CPE: variants seen among roughly 807,000 people sequenced by gnomAD.
The protein encoded by CPE is carboxypeptidase E.
Under a neutral mutation model 53.5 loss-of-function variants are expected in CPE, and 17 were observed. The observed-to-expected ratio is 0.32, with a 90% CI of 0.22 to 0.48. The LOEUF is 0.48. Ranked by LOEUF, CPE falls within the 20% of genes least tolerant of loss-of-function variation. The probability of loss-of-function intolerance (pLI) is 0.99; values close to 1 mark genes in which losing one functional copy is unlikely to be tolerated. For synonymous variants in CPE, 226 were observed against 228.8 expected (o/e 0.99, Z 0.11); for missense variants, 524 against 614.7 (o/e 0.85, Z 1.56).
chr4:165,381,345 G>T (rs1214466184), intron 1 of CPE: 3 of 456,088 alleles, frequency 6.6e-6, no homozygotes, highest in South Asian at 4.7e-5. Context: ...CACACAGCGG[G>T]CTTGAATATA....
intron 1 of CPE, among the ~76,000 whole-genome samples, chr4:165,418,523 G>A (rs1033353751): frequency 2.0e-5 from 3 of 152,172 alleles, no homozygotes; most frequent in African/African-American, 7.2e-5. Flanking sequence ...AGAATATTAA[G>A]TAAGTGTGTA....
In CPE at chr4:165,379,386, C is replaced by T; in HGVS notation, c.165C>T (p.Arg55=). The T allele has an allele frequency of 1.2e-6, 2 of 1,608,616 alleles. No homozygotes were observed. The highest frequency in any genetic ancestry group is 1.7e-6 in the Non-Finnish European group (2 of 1,178,602). The change falls in exon 1 of 9, where the codon CGC becomes CGT. Residue 55 remains arginine (R), a synonymous_variant. Transcript: ENST00000402744. This position sits in a 1 kb window ranked among gnomAD's most constrained non-coding sequence, Gnocchi z 6.0. The part of the protein sequence containing the change: ...QEDGISFEYH[R]YPELREALVS... The stretch of plus-strand genomic sequence containing the variant: ...ACGGCATCTCCTTCGAGTACCACCG[C>T]TACCCCGAGCTGCGCGAGGCGCTCG...
chr4:165,401,507 T>TA (rs1313404733), intron 1 of CPE, among the ~76,000 whole-genome samples: 2 of 152,208 alleles, frequency 1.3e-5, no homozygotes, highest in African/African-American at 4.8e-5. Context: ...TTCCACTCTG[T>TA]AAAATCATGA....
At chr4:165,410,905 A>T (rs954564128) in intron 1 of CPE, among the ~76,000 whole-genome samples, 3 of 152,076 alleles carry the variant, frequency 2.0e-5, no homozygotes, top group Admixed American at 1.3e-4. Flanking sequence ...ATCTGAGGAT[A>T]AAGGATCACA....
chr4:165,478,809 T>A (rs1254260459), intron 3 of CPE, among the ~76,000 whole-genome samples: 4 of 152,148 alleles, frequency 2.6e-5, no homozygotes, highest in African/African-American at 9.7e-5. Flanking sequence ...AAACCAACCC[T>A]CCCTCTCAGA....
intron 1 of CPE, among the ~76,000 whole-genome samples, chr4:165,385,398 C>T (rs1383228193): frequency 7.1e-6 from 1 of 140,728 alleles, no homozygotes; most frequent in Non-Finnish European, 1.5e-5. Flanking sequence ...CCCTGAAGGA[C>T]TTTTTCCCTC....
At chr4:165,482,773 T>C (rs1406668949) in intron 4 of CPE, among the ~76,000 whole-genome samples, 1 of 152,184 alleles carries the variant, frequency 6.6e-6, no homozygotes, top group Non-Finnish European at 1.5e-5. Context: ...ATGTGTCTTA[T>C]TGTGTTGACA....
intron 6 of CPE, 57 bp downstream of exon 6, chr4:165,487,634 A>G: frequency 1.3e-6 from 2 of 1,592,632 alleles, no homozygotes; most frequent in Non-Finnish European, 1.7e-6. Flanking sequence ...AACCTGTCCT[A>G]CAATGGTCTT....
At chr4:165,437,147 T>C (rs1419673211) in intron 1 of CPE, among the ~76,000 whole-genome samples, 2 of 152,174 alleles carry the variant, frequency 1.3e-5, no homozygotes, top group Non-Finnish European at 2.9e-5. Flanking sequence ...AAGTCCTTAA[T>C]TGAGTGTTAT....
At chr4:165,435,894 T>A (rs1045803885) in intron 1 of CPE, among the ~76,000 whole-genome samples, 4 of 152,186 alleles carry the variant, frequency 2.6e-5, no homozygotes, top group Admixed American at 2.6e-4. Flanking sequence ...TCTGGCTAAA[T>A]ACAGTAGTAA....
intron 1 of CPE, among the ~76,000 whole-genome samples, chr4:165,407,582 C>T (rs1730973081): frequency 6.6e-6 from 1 of 150,900 alleles, no homozygotes. Context: ...GAGTCTCACT[C>T]TGTTGCCCAG....
At chr4:165,460,477 A>G (rs1731980754) in intron 1 of CPE, among the ~76,000 whole-genome samples, 1 of 152,164 alleles carries the variant, frequency 6.6e-6, no homozygotes, top group Non-Finnish European at 1.5e-5. Flanking sequence ...TTCCCAAAGA[A>G]GAGTTTCCAT....
In CPE at chr4:165,467,572, T is replaced by C. The variant is rs1732129624; in HGVS notation, c.505-116T>C. 4.1e-6 allele frequency: 4 copies of C among 983,664 alleles called. No individual in the cohort carries two copies. The South Asian group carries it at 7.3e-5, about 18-fold the overall frequency. The allele number at this position is 983,664 out of a possible 1,614,324, so 60.9% of individuals were successfully genotyped here. A position where few individuals can be genotyped will look rare whatever the true frequency, so the allele number is the denominator to read the frequency against. On this transcript the variant is annotated intron_variant, in intron 2 of 8. Coordinates refer to ENST00000402744, the MANE Select transcript of CPE (RefSeq NM_001873.4). ...TGAAAATGCTGACATGGGAGGGCAT[T>C]GTTGAAGTAAATAATCTTAATAGTT...
chr4:165,463,797 GTTATTA>G (rs1057333041), intron 1 of CPE, among the ~76,000 whole-genome samples: 1 of 152,234 alleles, frequency 6.6e-6, no homozygotes, highest in Admixed American at 6.5e-5. Context: ...CACGTAGTGT[GTTATTA>G]TTATTAGTTA....
chr4:165,464,263 T>G (rs998060815), intron 1 of CPE, 127 bp from the exon 2 acceptor site: 3 of 733,962 alleles, frequency 4.1e-6, no homozygotes, highest in African/African-American at 3.6e-5. Context: ...TACGGTAGAT[T>G]TTTTTTTAAG....
intron 1 of CPE, among the ~76,000 whole-genome samples, chr4:165,402,503 G>T (rs952712234): frequency 6.6e-6 from 1 of 152,162 alleles, no homozygotes; most frequent in Admixed American, 6.5e-5. Context: ...GATCACAGGG[G>T]CAGATTCTTC....
intron 1 of CPE, chr4:165,404,354 G>A: frequency 1.3e-6 from 1 of 771,020 alleles, no homozygotes; most frequent in Admixed American, 1.7e-5. Flanking sequence ...TTCATCTGAG[G>A]AGACTTCAGA....
At chr4:165,387,381 C>G (rs1312186381) in intron 1 of CPE, among the ~76,000 whole-genome samples, 1 of 152,184 alleles carries the variant, frequency 6.6e-6, no homozygotes, top group Non-Finnish European at 1.5e-5. Context: ...CAAATCATTG[C>G]TAAACATCAT....
chr4:165,438,273 C>A (rs556977143), intron 1 of CPE, among the ~76,000 whole-genome samples: 7 of 151,868 alleles, frequency 4.6e-5, no homozygotes, highest in Non-Finnish European at 1.0e-4. Context: ...GCAATATTGG[C>A]GAAGTTTGAT....
Sources: allele counts gnomAD v4.1 joint callset (sites outside exome capture counted in the v4.1 genomes callset), GRCh38; gene constraint gnomAD v4.1.1; non-coding constraint Gnocchi (gnomAD v3.1); transcripts MANE v1.5; gene names NCBI Gene and HGNC (gene_info 2026-07-23, HGNC 2026-07-21).